Variants in NPLOC4 observed in about 807,000 individuals in gnomAD.
NPLOC4 encodes nuclear protein localization protein 4 homolog.
Under a neutral mutation model 80.6 loss-of-function variants are expected in NPLOC4, and 18 were observed. That is an observed-to-expected ratio of 0.22 (90% CI 0.15 to 0.33). The LOEUF (loss-of-function observed/expected upper bound fraction) is 0.33, where lower values mean the gene tolerates loss of function less well. Among genes scored for constraint, NPLOC4 ranks in the 10% least tolerant of loss-of-function variants. NPLOC4 has a pLI of 1.00. For missense variants in NPLOC4, 540 were observed against 786.1 expected, an observed-to-expected ratio of 0.69 and a Z score of 3.74; for synonymous variants, 313 against 301.5, an observed-to-expected ratio of 1.04 and a Z score of -0.39.
rs1038306896 is a variant in NPLOC4, at chr17:81,572,859, G to A, written c.1282-771C>T. Among the ~76,000 whole-genome samples the A allele has an allele frequency of 3.3e-5, 5 of 152,160 alleles. No individual in the cohort carries two copies. The highest frequency in any genetic ancestry group is 1.2e-4 in the African/African-American group (5 of 41,418). Reference sequence around the variant, plus strand: ...GAAAACCCGACTTTCCAGAAACCGAGTACTTGGACATTAATAAAATAAAGG... The same window carrying A: ...GAAAACCCGACTTTCCAGAAACCGAATACTTGGACATTAATAAAATAAAGG... On this transcript the variant is annotated intron_variant, in intron 12 of 16. Coordinates refer to ENST00000331134, the MANE Select transcript of NPLOC4 (RefSeq NM_017921.4). This position sits in a 1 kb window ranked among gnomAD's most constrained non-coding sequence, Gnocchi z 4.5.
Position 81,600,326 on chromosome 17 carries a change from C to T in NPLOC4, c.921+15G>A, listed in dbSNP as rs572910106. The T allele has an allele frequency of 2.9e-5, 46 of 1,599,694 alleles. No homozygotes were observed. In the East Asian group the frequency reaches 3.8e-4, roughly 13 times the overall value. ...CTGGCCACGCCCCCTGCTTGGCTGC[C>T]GGATGCCTCAGTACCTTCCGCAGGC... On this transcript the variant is annotated intron_variant, in intron 9 of 16. Transcript: ENST00000331134.
At chr17:81,569,317 A>G (rs1338755002) in intron 13 of NPLOC4, among the ~76,000 whole-genome samples, 1 of 152,210 alleles carries the variant, frequency 6.6e-6, no homozygotes, top group Admixed American at 6.5e-5. Context: ...CCTGGAGACA[A>G]ACTACACCAT....
In NPLOC4 at chr17:81,622,293, A is replaced by G. The variant is rs1486786759; in HGVS notation, c.97-15T>C. 2 of 1,559,336 alleles carry G rather than the reference A, an allele frequency of 1.3e-6. No individual in the cohort carries two copies. Among genetic ancestry groups the G allele is most frequent in the Non-Finnish European group, 1.8e-6 (2 of 1,130,480 alleles). On this transcript the variant is annotated splice_polypyrimidine_tract_variant and intron_variant, in intron 2 of 16. Transcript: ENST00000331134. ...TCCTTTGCAACCTAAAACAAGGCCC[A>G]AAGAACAGAAATTTAATGAAATGCT...
chr17:81,573,506 G>A (rs2034214859), intron 12 of NPLOC4: 1 of 152,236 alleles, frequency 6.6e-6, no homozygotes, highest in African/African-American at 2.4e-5. Context: ...TCCGAAGGTG[G>A]TGAGTTACCT....
At chr17:81,636,512 A>G in intron 1 of NPLOC4, 1 of 165,692 alleles carries the variant, frequency 6.0e-6, no homozygotes, top group Non-Finnish European at 1.3e-5. Flanking sequence ...AGAGAATCAG[A>G]GGGAGATTAG....
chr17:81,575,330 T>C (rs1326916946), intron 12 of NPLOC4, among the ~76,000 whole-genome samples: 1 of 152,224 alleles, frequency 6.6e-6, no homozygotes, highest in Non-Finnish European at 1.5e-5. Context: ...CTCGATCTCC[T>C]GACCTCATGA....
Position 81,559,011 on chromosome 17 carries a change from G to T in NPLOC4, c.*248C>A. On this transcript the variant is annotated 3_prime_UTR_variant, in exon 17 of 17. Coordinates refer to ENST00000331134, the MANE Select transcript of NPLOC4 (RefSeq NM_017921.4). ...GGGGGACTTGTCAACAGGATTAGGCGTGAGGAGCCGCTCTGCGTTTCCAGT... is the reference window on the plus strand; with the variant it reads ...GGGGGACTTGTCAACAGGATTAGGCTTGAGGAGCCGCTCTGCGTTTCCAGT... The T allele has an allele frequency of 2.0e-6, 1 of 494,664 alleles. No homozygotes were observed. The allele number at this position is 494,664 out of a possible 1,614,324, so 30.6% of individuals were successfully genotyped here.
intron 12 of NPLOC4, among the ~76,000 whole-genome samples, chr17:81,574,767 G>A (rs9890842): frequency 0.024 from 3,601 of 152,158 alleles, 167 homozygotes; most frequent in African/African-American, 0.082. Context: ...TAATCCCAGC[G>A]CTTTGGGAGG....
intron 3 of NPLOC4, among the ~76,000 whole-genome samples, chr17:81,615,739 G>A (rs912729289): frequency 1.3e-5 from 2 of 152,138 alleles, no homozygotes; most frequent in Non-Finnish European, 2.9e-5. Context: ...CCACATAAAT[G>A]CAGATAACCA....
intron 3 of NPLOC4, among the ~76,000 whole-genome samples, chr17:81,620,762 G>T (rs2035642734): frequency 6.6e-6 from 1 of 152,216 alleles, no homozygotes; most frequent in African/African-American, 2.4e-5. Flanking sequence ...CGTGAGCTGA[G>T]AGTTCCTCTG....
chr17:81,629,968 G>A, intron 1 of NPLOC4, 163 bp from the exon 2 acceptor site: 3 of 581,000 alleles, frequency 5.2e-6, no homozygotes, highest in Non-Finnish European at 6.2e-6. Flanking sequence ...AGAATATGAT[G>A]CCGAGGGGTG....
chr17:81,601,502 C>A (rs2035055117), intron 8 of NPLOC4, among the ~76,000 whole-genome samples: 1 of 152,204 alleles, frequency 6.6e-6, no homozygotes, highest in South Asian at 2.1e-4. Flanking sequence ...CTCAAGTGAT[C>A]TGCCTTGCCC....
intron 15 of NPLOC4, among the ~76,000 whole-genome samples, chr17:81,566,217 A>C (rs563719460): frequency 2.6e-5 from 4 of 152,320 alleles, no homozygotes; most frequent in Admixed American, 2.6e-4. Flanking sequence ...CTGTAATCCC[A>C]GCTACTCGGG....
chr17:81,601,711 C>T (rs2035060770), intron 8 of NPLOC4, among the ~76,000 whole-genome samples: 2 of 152,192 alleles, frequency 1.3e-5, no homozygotes, highest in Non-Finnish European at 1.5e-5. Context: ...CTACTGCCAT[C>T]TAGTGTCTCT....
chr17:81,613,302 C>A lies in NPLOC4; in HGVS notation c.386+16G>T. ...ATCACCACAAGTAGGACCCTGGAAT[C>A]TCATGGATCACTTACAGCTGTGGGT... On this transcript the variant is annotated intron_variant, in intron 4 of 16. Coordinates refer to ENST00000331134, the MANE Select transcript of NPLOC4 (RefSeq NM_017921.4). 6.2e-7 allele frequency: 1 copy of A among 1,606,354 alleles called. No individual in the cohort carries two copies. Among genetic ancestry groups the A allele is most frequent in the Middle Eastern group, 1.7e-4 (1 of 6,016 alleles).
chr17:81,611,885 G>A (rs2144248319), intron 4 of NPLOC4, among the ~76,000 whole-genome samples: 1 of 151,494 alleles, frequency 6.6e-6, no homozygotes, highest in East Asian at 2.0e-4. Context: ...GCGTGAACCG[G>A]GGGGACGCAG....
intron 12 of NPLOC4, among the ~76,000 whole-genome samples, chr17:81,586,001 T>A (rs182079540): frequency 6.6e-6 from 1 of 151,870 alleles, no homozygotes; most frequent in East Asian, 2.0e-4. Context: ...AAGAAAAATA[T>A]AGGTCAGGCA....
intron 3 of NPLOC4, among the ~76,000 whole-genome samples, chr17:81,621,068 GAAGT>G (rs2035651916): frequency 2.0e-5 from 3 of 149,396 alleles, no homozygotes. Context: ...AGGAAGGAAG[GAAGT>G]ATCAAGATGC....
At chr17:81,559,753 G>C (rs918565407) in intron 16 of NPLOC4, among the ~76,000 whole-genome samples, 2 of 133,358 alleles carry the variant, frequency 1.5e-5, no homozygotes, top group Admixed American at 7.8e-5. Context: ...TTTTTTCTGA[G>C]GTAGGGTCTT....
Sources: gnomAD v4.1 joint callset for allele counts (sites outside exome capture counted in the v4.1 genomes callset) on GRCh38, gnomAD v4.1.1 for gene constraint, Gnocchi (gnomAD v3.1) non-coding constraint, MANE v1.5 for transcripts, NCBI Gene and HGNC (gene_info 2026-07-23, HGNC 2026-07-21) for gene names.